Variants in CEMIP2 observed in about 807,000 individuals in gnomAD.
CEMIP2 encodes the protein cell migration inducing hyaluronidase 2, also known as cell surface hyaluronidase CEMIP2.
Under a neutral mutation model 146.9 loss-of-function variants are expected in CEMIP2, and 79 were observed. The observed-to-expected ratio is 0.54, with a 90% CI of 0.45 to 0.65. CEMIP2 has a LOEUF of 0.65. Ranked by LOEUF, CEMIP2 falls within the 30% of genes least tolerant of loss-of-function variation. The pLI is 0.00. For missense variants in CEMIP2, 1,596 were observed against 1,696.2 expected (o/e 0.94, Z 1.04); for synonymous variants, 601 against 606.3 (o/e 0.99, Z 0.13).
At chr9:71,756,496 TCTCTCTCTCTCA>T (rs1467367217) in intron 1 of CEMIP2, among the ~76,000 whole-genome samples, 25 of 137,294 alleles carry the variant, frequency 1.8e-4, no homozygotes, top group African/African-American at 4.6e-4. Context: ...TCTCTCTCTC[TCTCTCTCTCTCA>T]CACACACACA....
intron 4 of CEMIP2, among the ~76,000 whole-genome samples, chr9:71,742,191 C>A (rs529728323): frequency 6.6e-6 from 1 of 152,304 alleles, no homozygotes; most frequent in South Asian, 2.1e-4. Flanking sequence ...CTTACAAATT[C>A]CACAGCCGCC....
rs370122738 is a variant in CEMIP2 at position 71,717,926 on chromosome 9, T to C, written c.2399+22A>G. 3.2e-4 allele frequency: 508 copies of C among 1,592,154 alleles called. 3 individuals carry two copies. The South Asian group carries it at 5.5e-3, about 17-fold the overall frequency. On this transcript the variant is annotated intron_variant, in intron 13 of 23. Transcript: ENST00000377044. ...ATAATACATCAGTGTCATCATATAA[T>C]AACTTGGTAGAGAATACCCACGCTG...
intron 21 of CEMIP2, among the ~76,000 whole-genome samples, chr9:71,691,332 C>A (rs1293222427): frequency 6.7e-6 from 1 of 150,072 alleles, no homozygotes; most frequent in Non-Finnish European, 1.5e-5. Context: ...GCAGGAGAAT[C>A]ATTTGAACCC....
rs1823645146 is a variant in CEMIP2, at chr9:71,732,401, C to T, written c.1513G>A (p.Glu505Lys). ...TAATCAAAAAATTGGCACTGATTTT[C>T]TGCGTAGCATGAGTCCTCCACTTCT... ...QGEVEDSCYA[E>K]NQCQFFDYDT... Residue 505 changes from glutamate (E) to lysine (K), a missense_variant, in exon 7 of 24, where the codon GAA becomes AAA. Glu to Lys is a moderately conservative substitution (Grantham distance 56). Transcript: ENST00000377044. The T allele has an allele frequency of 6.2e-7, 1 of 1,613,410 alleles. No individual in the cohort carries two copies. The highest frequency in any genetic ancestry group is 8.5e-7 in the Non-Finnish European group (1 of 1,179,886).
At chr9:71,707,048 G>A (rs1481926059) in intron 17 of CEMIP2, among the ~76,000 whole-genome samples, 1 of 152,028 alleles carries the variant, frequency 6.6e-6, no homozygotes, top group African/African-American at 2.4e-5. Context: ...GGCTGGGCTC[G>A]AACTCCAGAC....
intron 22 of CEMIP2, chr9:71,687,282 T>C (rs1822091231): frequency 6.6e-6 from 1 of 152,194 alleles, no homozygotes; most frequent in African/African-American, 2.4e-5. Flanking sequence ...GTAAATGTAA[T>C]GCACTTGAAT....
intron 10 of CEMIP2, among the ~76,000 whole-genome samples, chr9:71,726,294 G>A (rs1448726379): frequency 6.6e-6 from 1 of 152,082 alleles, no homozygotes; most frequent in East Asian, 1.9e-4. Context: ...ACCTTAATAG[G>A]AACATAACAG....
At chr9:71,693,749 C>G (rs1822302689) in intron 21 of CEMIP2, among the ~76,000 whole-genome samples, 1 of 152,090 alleles carries the variant, frequency 6.6e-6, no homozygotes. Context: ...TTCATGTCAC[C>G]AAGATAGAAG....
chr9:71,698,609 G>A (rs1317765179), intron 19 of CEMIP2, among the ~76,000 whole-genome samples: 1 of 151,922 alleles, frequency 6.6e-6, no homozygotes, highest in East Asian at 1.9e-4. Context: ...AAATCATTTT[G>A]GTTAAGGCAT....
rs1822016413 is a variant in CEMIP2, at chr9:71,685,188, A to C, written c.*9T>G. The C allele has an allele frequency of 6.3e-7, 1 of 1,582,262 alleles. No homozygotes were observed. Among genetic ancestry groups the C allele is most frequent in the Non-Finnish European group, 8.6e-7 (1 of 1,163,272 alleles). ...TTTTTTCCCCCAGCACTTAAGTTAC[A>C]GTTAGTCTCTAATGTGCTTTTGAAG... On this transcript the variant is annotated 3_prime_UTR_variant, in exon 24 of 24. Transcript: ENST00000377044.
At chr9:71,769,055 T>A (rs896383444), upstream of CEMIP2, among the ~76,000 whole-genome samples, 8 of 152,002 alleles carry the variant, frequency 5.3e-5, no homozygotes, top group Non-Finnish European at 1.2e-4. Context: ...TGCCGCGCGC[T>A]GGAACAGCGC....
At chr9:71,756,927 T>C (rs1485643170) in intron 1 of CEMIP2, among the ~76,000 whole-genome samples, 1 of 152,208 alleles carries the variant, frequency 6.6e-6, no homozygotes, top group Non-Finnish European at 1.5e-5. Context: ...TGACAGCCAT[T>C]CAATGCTGTG....
chr9:71,728,516 T>C (rs1397437025), intron 10 of CEMIP2, among the ~76,000 whole-genome samples: 1 of 150,662 alleles, frequency 6.6e-6, no homozygotes, highest in East Asian at 2.0e-4. Flanking sequence ...AGGTTTTAAA[T>C]GAGCAGTTTT....
intron 1 of CEMIP2, among the ~76,000 whole-genome samples, chr9:71,766,973 C>T (rs373815956): frequency 8.5e-5 from 13 of 152,198 alleles, no homozygotes; most frequent in East Asian, 7.7e-4. Flanking sequence ...CTCTAAAGTG[C>T]TACCCAATGT....
intron 18 of CEMIP2, among the ~76,000 whole-genome samples, chr9:71,701,469 G>C (rs985328253): frequency 1.3e-5 from 2 of 152,146 alleles, no homozygotes; most frequent in Non-Finnish European, 1.5e-5. Flanking sequence ...AACAGACTTA[G>C]ACACTCTAAA....
intron 16 of CEMIP2, 88 bp from the exon 17 acceptor site, chr9:71,709,562 G>A (rs1589136958): frequency 2.7e-6 from 3 of 1,112,492 alleles, no homozygotes; most frequent in Non-Finnish European, 4.0e-6. Context: ...CAGGTCCATT[G>A]TGATTGCTTT....
intron 9 of CEMIP2, 36 bp downstream of exon 9, chr9:71,730,012 C>T (rs767720000): frequency 6.2e-7 from 1 of 1,613,632 alleles, no homozygotes; most frequent in Non-Finnish European, 8.5e-7. Context: ...GTCAAAGGCC[C>T]TGACTCATGG....
In CEMIP2 at chr9:71,718,090, A is replaced by G; in HGVS notation, c.2268-11T>C. 8.2e-6 allele frequency: 13 copies of G among 1,590,056 alleles called. No homozygotes were observed. The highest frequency in any genetic ancestry group is 1.1e-5 in the Non-Finnish European group (13 of 1,170,048). On this transcript the variant is annotated splice_polypyrimidine_tract_variant and intron_variant, in intron 12 of 23. Coordinates refer to ENST00000377044, the MANE Select transcript of CEMIP2 (RefSeq NM_013390.3). ...TGATGAGGTCGAAATCTAGGGGTTA[A>G]AAAAAGAATTTTAAAAAATATAACA...
chr9:71,725,307 T>G (rs982801237), intron 11 of CEMIP2, among the ~76,000 whole-genome samples: 3 of 152,162 alleles, frequency 2.0e-5, no homozygotes, highest in African/African-American at 7.2e-5. Flanking sequence ...ATAAAAGAGC[T>G]TGAGGCAGCA....
Sources: allele counts gnomAD v4.1 joint callset (sites outside exome capture counted in the v4.1 genomes callset), GRCh38; gene constraint gnomAD v4.1.1; transcripts MANE v1.5; gene names NCBI Gene and HGNC (gene_info 2026-07-23, HGNC 2026-07-21).